CTCF: variants seen among roughly 807,000 people sequenced by gnomAD.
The protein encoded by CTCF is transcriptional repressor CTCF.
Under a neutral mutation model 72.3 loss-of-function variants are expected in CTCF, and 7 were observed. The ratio of observed to expected loss-of-function variants is 0.10; its 90% CI spans 0.06 to 0.18. CTCF has a LOEUF of 0.18. Among genes scored for constraint, CTCF ranks in the 10% least tolerant of loss-of-function variants. The pLI is 1.00. For missense variants in CTCF, 516 were observed against 949.1 expected (o/e 0.54, Z 6.00); for synonymous variants, 374 against 315.8 (o/e 1.18, Z -1.95).
In CTCF at chr16:67,571,149, A is replaced by G. The variant is rs184162604; in HGVS notation, c.-125A>G. 4 of 152,672 alleles carry G rather than the reference A, an allele frequency of 2.6e-5. No individual in the cohort carries two copies. The East Asian group carries it at 7.7e-4, about 29-fold the overall frequency. 9.5% of individuals were successfully genotyped at this position (152,672 alleles called of 1,614,324 possible). On this transcript the variant is annotated splice_region_variant and 5_prime_UTR_variant, in exon 2 of 12. The change abolishes an upstream ATG in the 5' untranslated region. Coordinates refer to ENST00000264010, the MANE Select transcript of CTCF (RefSeq NM_006565.4). ...AAATGATTTGTGCTTTTCTTTTAGA[A>G]TGATTACGGACCTGAAGCCAAAGAA...
chr16:67,584,320 C>CAA (rs1403823144), intron 2 of CTCF, among the ~76,000 whole-genome samples: 1 of 104,894 alleles, frequency 9.5e-6, no homozygotes, highest in Non-Finnish European at 2.0e-5. Flanking sequence ...AACTCCTTCT[C>CAA]AAAAAAAAAA....
At chr16:67,604,837 T>G (rs1358814949) in intron 2 of CTCF, among the ~76,000 whole-genome samples, 1 of 151,236 alleles carries the variant, frequency 6.6e-6, no homozygotes, top group Admixed American at 6.6e-5. Context: ...GCATTATATT[T>G]CTATTGAACA....
At chr16:67,566,415 C>G (rs1469622103) in intron 1 of CTCF, among the ~76,000 whole-genome samples, 1 of 144,980 alleles carries the variant, frequency 6.9e-6, no homozygotes, top group Non-Finnish European at 1.5e-5. Context: ...GAGGCTGAGT[C>G]AGGAGAATCA....
At position 67,576,200 on chromosome 16, in the gene CTCF, G is replaced by GT. The variant is rs1252097078; in HGVS notation, c.-10+4942dup. 2.7e-5 allele frequency among the ~76,000 whole-genome samples: 4 copies of GT among 149,640 alleles called. No individual in the cohort carries two copies. The South Asian group carries it at 6.3e-4, about 24-fold the overall frequency. The stretch of plus-strand genomic sequence containing the variant: ...AACCAGCAAAATGCTTATGAGAGAG[G>GT]TTTTTTAATAGCATAATACCAAAAA... On this transcript the variant is annotated intron_variant, in intron 2 of 11. Transcript: ENST00000264010.
At chr16:67,603,700 C>T (rs1004471526) in intron 2 of CTCF, among the ~76,000 whole-genome samples, 2 of 151,794 alleles carry the variant, frequency 1.3e-5, no homozygotes, top group African/African-American at 4.8e-5. Context: ...TGACAGGAGC[C>T]TGTAGTCCCA....
intron 10 of CTCF, 32 bp downstream of exon 10, chr16:67,629,565 T>C: frequency 6.2e-7 from 1 of 1,607,824 alleles, no homozygotes; most frequent in Non-Finnish European, 8.5e-7. Flanking sequence ...TTGCTTACTA[T>C]GGCAGGCTTT....
chr16:67,588,837 C>T (rs1479259420), intron 2 of CTCF, among the ~76,000 whole-genome samples: 1 of 151,956 alleles, frequency 6.6e-6, no homozygotes, highest in East Asian at 1.9e-4. Context: ...CAGGTGCACG[C>T]CACCACACCC....
chr16:67,626,825 G>T, intron 8 of CTCF, 110 bp downstream of exon 8: 2 of 785,666 alleles, frequency 2.5e-6, no homozygotes, highest in Non-Finnish European at 3.5e-6. Context: ...TTTTCAAACT[G>T]TGGATTATGA....
In CTCF at chr16:67,593,094, CTT is replaced by C. The variant is rs201040803; in HGVS notation, c.-9-17725_-9-17724del. ...ATTTTATATTTATATATTTGTATATCTTTTTTATATTTTAATATATGGTTTTT... is the reference window on the plus strand; with the variant it reads ...ATTTTATATTTATATATTTGTATATCTTTTATATTTTAATATATGGTTTTT... On this transcript the variant is annotated intron_variant, in intron 2 of 11. Coordinates refer to ENST00000264010, the MANE Select transcript of CTCF (RefSeq NM_006565.4). Among the ~76,000 whole-genome samples the C allele has an allele frequency of 9.9e-3, 1,471 of 148,328 alleles. 20 individuals are homozygous for C. The highest frequency in any genetic ancestry group is 0.011 in the Admixed American group (170 of 14,792).
chr16:67,592,104 A>G (rs2051752608), intron 2 of CTCF, among the ~76,000 whole-genome samples: 1 of 152,070 alleles, frequency 6.6e-6, no homozygotes, highest in Admixed American at 6.6e-5. Flanking sequence ...TTTTCAGTCA[A>G]CATTTTTCTA....
intron 10 of CTCF, among the ~76,000 whole-genome samples, chr16:67,629,795 G>A (rs71393956): frequency 1.5e-4 from 6 of 39,820 alleles, no homozygotes; most frequent in African/African-American, 5.6e-4. Flanking sequence ...TTTTTTTTGA[G>A]ACGGAGTCTC....
At chr16:67,633,810 A>G (rs1445619679) in intron 10 of CTCF, among the ~76,000 whole-genome samples, 1 of 151,678 alleles carries the variant, frequency 6.6e-6, no homozygotes, top group Non-Finnish European at 1.5e-5. Context: ...ACACACACAC[A>G]CACACTCTCA....
chr16:67,576,077 C>A (rs2051491897), intron 2 of CTCF, among the ~76,000 whole-genome samples: 1 of 146,996 alleles, frequency 6.8e-6, no homozygotes, highest in Admixed American at 6.8e-5. Flanking sequence ...GGGAGGATCA[C>A]CTGAGCCCAG....
At chr16:67,604,992 T>TTTG (rs1229627051) in intron 2 of CTCF, among the ~76,000 whole-genome samples, 12 of 141,918 alleles carry the variant, frequency 8.5e-5, no homozygotes, top group African/African-American at 1.9e-4. Context: ...TTTTTTTTTT[T>TTTG]GAGACAGTCT....
intron 2 of CTCF, among the ~76,000 whole-genome samples, chr16:67,585,502 ATCT>A (rs1204609321): frequency 1.3e-5 from 2 of 152,226 alleles, no homozygotes; most frequent in African/African-American, 4.8e-5. Flanking sequence ...GAGCTTACTC[ATCT>A]TCTTAACCCA....
At chr16:67,623,723 T>C (rs2052235519) in intron 7 of CTCF, among the ~76,000 whole-genome samples, 1 of 151,612 alleles carries the variant, frequency 6.6e-6, no homozygotes, top group Non-Finnish European at 1.5e-5. Flanking sequence ...TAGACCAACC[T>C]GTGTGATATA....
rs534334121 is a variant in CTCF, at chr16:67,637,926, G to A, written c.*54G>A. 19 of 1,373,764 alleles carry A rather than the reference G, an allele frequency of 1.4e-5. No individual in the cohort carries two copies. Among genetic ancestry groups the A allele is most frequent in the African/African-American group, 7.2e-5 (5 of 69,386 alleles). The allele number at this position is 1,373,764 out of a possible 1,614,324, so 85.1% of individuals were successfully genotyped here. On this transcript the variant is annotated 3_prime_UTR_variant, in exon 12 of 12. Transcript: ENST00000264010. ...TCTCTGGGCTGTGTTTAAACGGCCC[G>A]CATCTTAATTTTTCTCCCTTCTTTC...
chr16:67,583,063 C>T (rs1257140683), intron 2 of CTCF, among the ~76,000 whole-genome samples: 1 of 150,334 alleles, frequency 6.7e-6, no homozygotes, highest in African/African-American at 2.4e-5. Context: ...CGGCTCACTG[C>T]AACCTCCGCC....
In CTCF at chr16:67,619,423, G is replaced by A. The variant is rs1365359764; in HGVS notation, c.1087-1274G>A. 3.9e-5 allele frequency among the ~76,000 whole-genome samples: 6 copies of A among 152,020 alleles called. No homozygotes were observed. The South Asian group carries it at 8.3e-4, about 21-fold the overall frequency. The stretch of plus-strand genomic sequence containing the variant: ...TGTACTCCAGCCTGGGCAACGGAGC[G>A]AGATTTCATCTCAAAAAAAACCAAA... On this transcript the variant is annotated intron_variant, in intron 5 of 11. Coordinates refer to ENST00000264010, the MANE Select transcript of CTCF (RefSeq NM_006565.4).
Sources: gnomAD v4.1 joint callset for allele counts (sites outside exome capture counted in the v4.1 genomes callset) on GRCh38, gnomAD v4.1.1 for gene constraint, MANE v1.5 for transcripts, NCBI Gene and HGNC (gene_info 2026-07-23, HGNC 2026-07-21) for gene names.